RBMS3: variants seen among roughly 807,000 people sequenced by gnomAD.
The protein encoded by RBMS3 is RNA binding motif single stranded interacting protein 3.
RBMS3 carries 27 observed loss-of-function variants against 66.8 expected under a neutral mutation model. The observed-to-expected ratio is 0.40, with a 90% CI of 0.30 to 0.56. The LOEUF (loss-of-function observed/expected upper bound fraction) is 0.56. RBMS3 is among the 20% of genes least tolerant of loss of function. RBMS3 has a pLI of 0.40. For synonymous variants in RBMS3, 188 were observed against 183.0 expected (o/e 1.03, Z -0.22); for missense variants, 513 against 549.5 (o/e 0.93, Z 0.66).
intron 4 of RBMS3, among the ~76,000 whole-genome samples, chr3:29,695,446 G>A (rs927642980): frequency 1.8e-4 from 28 of 152,102 alleles, no homozygotes; most frequent in African/African-American, 5.1e-4. Flanking sequence ...GTATTCCTAT[G>A]TTTGTTGAGG....
At chr3:29,720,855 C>T (rs550673573) in intron 4 of RBMS3, among the ~76,000 whole-genome samples, 1 of 152,044 alleles carries the variant, frequency 6.6e-6, no homozygotes, top group Admixed American at 6.6e-5. Flanking sequence ...AAGAGGCCTG[C>T]TGTCATTGTC....
intron 6 of RBMS3, among the ~76,000 whole-genome samples, chr3:29,841,769 A>G (rs2058668533): frequency 6.6e-6 from 1 of 152,072 alleles, no homozygotes; most frequent in Non-Finnish European, 1.5e-5. Flanking sequence ...GATGTTTTCT[A>G]TAATTGGAGT....
At chr3:29,835,261 T>A (rs2058475231) in intron 6 of RBMS3, among the ~76,000 whole-genome samples, 1 of 151,976 alleles carries the variant, frequency 6.6e-6, no homozygotes, top group Non-Finnish European at 1.5e-5. Flanking sequence ...AACATTGGAC[T>A]TTAACTACAT....
At chr3:29,962,568 A>ATATATATATATATAT (rs199824648) in intron 12 of RBMS3, among the ~76,000 whole-genome samples, 15 of 149,488 alleles carry the variant, frequency 1.0e-4, no homozygotes, top group African/African-American at 3.0e-4. Flanking sequence ...ATATATATAT[A>ATATATATATATATAT]ATACCATACC....
At chr3:29,371,931 T>C (rs2038225344) in intron 1 of RBMS3, among the ~76,000 whole-genome samples, 1 of 152,230 alleles carries the variant, frequency 6.6e-6, no homozygotes, top group South Asian at 2.1e-4. Context: ...ATTTATTTCT[T>C]CATTTATTAA....
At chr3:29,417,043 G>A (rs2040506381) in intron 1 of RBMS3, among the ~76,000 whole-genome samples, 2 of 152,032 alleles carry the variant, frequency 1.3e-5, no homozygotes, top group Admixed American at 1.3e-4. Flanking sequence ...ATTCTCCCTG[G>A]AGAAAATAGT....
intron 4 of RBMS3, among the ~76,000 whole-genome samples, chr3:29,638,519 G>T (rs1005092231): frequency 6.6e-6 from 1 of 151,824 alleles, no homozygotes; most frequent in Non-Finnish European, 1.5e-5. Flanking sequence ...TTACTTGATA[G>T]TTTATTCATC....
At chr3:29,654,802 T>A (rs1375897652) in intron 4 of RBMS3, among the ~76,000 whole-genome samples, 6 of 151,354 alleles carry the variant, frequency 4.0e-5, no homozygotes, top group African/African-American at 1.5e-4. Context: ...TTTACCATGT[T>A]GACCAGGCTG....
chr3:30,003,735 T>C, intron 14 of RBMS3, 121 bp from the exon 15 acceptor site: 1 of 597,136 alleles, frequency 1.7e-6, no homozygotes, highest in Non-Finnish European at 2.6e-6. Flanking sequence ...ATGATGCTTT[T>C]GTGACTATGT....
chr3:29,881,993 ATCTC>A (rs1221189910), intron 7 of RBMS3, among the ~76,000 whole-genome samples: 1 of 152,126 alleles, frequency 6.6e-6, no homozygotes, highest in African/African-American at 2.4e-5. Context: ...ATCATCCTAA[ATCTC>A]TCATGCACTA....
chr3:29,623,486 G>A (rs892822341), intron 4 of RBMS3, among the ~76,000 whole-genome samples: 15 of 151,802 alleles, frequency 9.9e-5, no homozygotes, highest in African/African-American at 3.4e-4. Context: ...CAGCTACTCG[G>A]GAGGTTGAGG....
intron 4 of RBMS3, among the ~76,000 whole-genome samples, chr3:29,665,739 T>A (rs1194622576): frequency 6.6e-6 from 1 of 152,194 alleles, no homozygotes; most frequent in Admixed American, 6.5e-5. Flanking sequence ...TTATTTCAAA[T>A]GTTTTATATG....
At chr3:29,712,836 C>A (rs1219511119) in intron 4 of RBMS3, among the ~76,000 whole-genome samples, 1 of 152,196 alleles carries the variant, frequency 6.6e-6, no homozygotes, top group Non-Finnish European at 1.5e-5. Flanking sequence ...CCACTAGGTT[C>A]TCAGGCCTTT....
At chr3:29,814,007 C>G (rs1027832748) in intron 6 of RBMS3, among the ~76,000 whole-genome samples, 9 of 151,942 alleles carry the variant, frequency 5.9e-5, no homozygotes, top group African/African-American at 1.9e-4. Context: ...GCCAGAACTT[C>G]CAACATTATG....
At chr3:29,780,616 T>C (rs2056597615) in intron 6 of RBMS3, among the ~76,000 whole-genome samples, 1 of 152,138 alleles carries the variant, frequency 6.6e-6, no homozygotes. Context: ...ACTATCTAAA[T>C]TGAATATTTT....
chr3:29,463,947 C>A (rs1445627436), intron 2 of RBMS3, among the ~76,000 whole-genome samples: 1 of 152,070 alleles, frequency 6.6e-6, no homozygotes, highest in Non-Finnish European at 1.5e-5. Context: ...TATGAAGATA[C>A]AATTCAGAAT....
At chr3:29,437,925 C>A (rs953987087) in intron 2 of RBMS3, among the ~76,000 whole-genome samples, 3 of 152,136 alleles carry the variant, frequency 2.0e-5, no homozygotes, top group African/African-American at 7.2e-5. Flanking sequence ...GCAGTGTTGG[C>A]AGGGGCACAG....
At chr3:29,315,341 A>G (rs550034576) in intron 1 of RBMS3, among the ~76,000 whole-genome samples, 59 of 151,770 alleles carry the variant, frequency 3.9e-4, no homozygotes, top group Non-Finnish European at 6.8e-4. Context: ...GTATTGCAAA[A>G]GTTCAACCAC....
chr3:29,843,631 T>G (rs532701286), intron 6 of RBMS3, among the ~76,000 whole-genome samples: 1 of 152,142 alleles, frequency 6.6e-6, no homozygotes, highest in African/African-American at 2.4e-5. Context: ...TCTGCTATTG[T>G]TTATCTGGGG....
Sources: gnomAD v4.1 joint callset for allele counts (sites outside exome capture counted in the v4.1 genomes callset) on GRCh38, gnomAD v4.1.1 for gene constraint, MANE v1.5 for transcripts, NCBI Gene and HGNC (gene_info 2026-07-23, HGNC 2026-07-21) for gene names.